ZBTB20: variants seen among roughly 807,000 people sequenced by gnomAD.
The protein encoded by ZBTB20 is zinc finger and BTB domain-containing protein 20.
ZBTB20 carries 9 observed loss-of-function variants against 56.9 expected under a neutral mutation model. That is an observed-to-expected ratio of 0.16 (90% CI 0.10 to 0.28). ZBTB20 has a LOEUF of 0.28. ZBTB20 is among the 10% of genes least tolerant of loss of function. The pLI, the probability that ZBTB20 is intolerant of heterozygous loss-of-function variation, is 1.00. For synonymous variants in ZBTB20, 417 were observed against 420.7 expected, an observed-to-expected ratio of 0.99 and a Z score of 0.11; for missense variants, 655 against 1,003.0, an observed-to-expected ratio of 0.65 and a Z score of 4.69.
chr3:115,063,708 T>C (rs1227188823), intron 2 of ZBTB20, among the ~76,000 whole-genome samples: 1 of 151,702 alleles, frequency 6.6e-6, no homozygotes, highest in African/African-American at 2.4e-5. Flanking sequence ...GTTTACCAGT[T>C]AAATAGTACC....
chr3:114,322,846 G>A lies in ZBTB20; in HGVS notation c.*16159C>T, dbSNP rs1406164377. 3.3e-5 allele frequency: 5 copies of A among 152,206 alleles called. No homozygotes were observed. Among genetic ancestry groups the A allele is most frequent in the Admixed American group, 3.3e-4 (5 of 15,272 alleles). The allele number at this position is 152,206 out of a possible 1,614,324, so 9.4% of individuals were successfully genotyped here. ...TTGGAATAGTAGACTTGGACGGATA[G>A]TAAAGAAGAGAGAGAAAAAGACAGG... On this transcript the variant is annotated 3_prime_UTR_variant, in exon 12 of 12. Transcript: ENST00000675478.
At chr3:114,565,855 ATGT>A (rs2110325566) in intron 6 of ZBTB20, among the ~76,000 whole-genome samples, 1 of 152,238 alleles carries the variant, frequency 6.6e-6, no homozygotes, top group East Asian at 1.9e-4. Flanking sequence ...TCCCAGTAAG[ATGT>A]TGTCATGCAA....
chr3:114,716,053 A>G (rs2064457120), intron 5 of ZBTB20, among the ~76,000 whole-genome samples: 1 of 152,182 alleles, frequency 6.6e-6, no homozygotes, highest in Non-Finnish European at 1.5e-5. Flanking sequence ...AACAGCCTGT[A>G]CATGTCCCTT....
At chr3:114,778,609 A>T (rs1289763389) in intron 5 of ZBTB20, among the ~76,000 whole-genome samples, 2 of 152,210 alleles carry the variant, frequency 1.3e-5, no homozygotes, top group African/African-American at 4.8e-5. Flanking sequence ...ACAGATACAG[A>T]TAAAGAAATA....
intron 6 of ZBTB20, among the ~76,000 whole-genome samples, chr3:114,607,300 TTCA>T (rs976698667): frequency 2.3e-5 from 2 of 85,798 alleles, no homozygotes; most frequent in African/African-American, 9.3e-5. Flanking sequence ...AAACTGTTCA[TTCA>T]TTTTTTTTTT....
At chr3:114,578,867 C>G (rs1225356598) in intron 6 of ZBTB20, among the ~76,000 whole-genome samples, 1 of 151,526 alleles carries the variant, frequency 6.6e-6, no homozygotes, top group African/African-American at 2.4e-5. Context: ...ATAGTAATAT[C>G]TAAAAATATT....
intron 4 of ZBTB20, among the ~76,000 whole-genome samples, chr3:114,838,135 G>A (rs912880963): frequency 2.0e-5 from 3 of 152,178 alleles, no homozygotes; most frequent in Non-Finnish European, 4.4e-5. Context: ...GAGACCTAAT[G>A]AGGCAATTCG....
At chr3:114,936,737 G>T (rs2076547460) in intron 3 of ZBTB20, among the ~76,000 whole-genome samples, 1 of 152,144 alleles carries the variant, frequency 6.6e-6, no homozygotes. Context: ...AAAATTCAGT[G>T]TTGGAAGAGG....
intron 1 of ZBTB20, chr3:115,144,970 G>C (rs1484011766): frequency 3.3e-5 from 5 of 152,170 alleles, no homozygotes; most frequent in African/African-American, 1.2e-4. Flanking sequence ...TATAGTTCTA[G>C]AAATCTCACT....
At chr3:114,577,924 C>T (rs902886431) in intron 6 of ZBTB20, among the ~76,000 whole-genome samples, 2 of 152,084 alleles carry the variant, frequency 1.3e-5, no homozygotes, top group African/African-American at 4.8e-5. Flanking sequence ...AAAACAAAAC[C>T]TGTAAAACAA....
At chr3:114,396,130 G>C (rs1028914907) in intron 7 of ZBTB20, among the ~76,000 whole-genome samples, 2 of 152,100 alleles carry the variant, frequency 1.3e-5, no homozygotes, top group African/African-American at 4.8e-5. Flanking sequence ...GCCTGCCACA[G>C]GTCATGTTAA....
intron 4 of ZBTB20, among the ~76,000 whole-genome samples, chr3:114,883,580 A>G (rs953723981): frequency 6.6e-6 from 1 of 152,182 alleles, no homozygotes; most frequent in East Asian, 1.9e-4. Context: ...GATATTGGAT[A>G]ACCTGATAGT....
intron 4 of ZBTB20, among the ~76,000 whole-genome samples, chr3:114,821,314 C>T (rs1253963589): frequency 6.6e-6 from 1 of 152,120 alleles, no homozygotes; most frequent in African/African-American, 2.4e-5. Flanking sequence ...TCCATTCAGA[C>T]ATGTGCACCA....
chr3:114,900,462 T>G (rs2075065557), intron 3 of ZBTB20, 120 bp from the exon 4 acceptor site: 1 of 151,820 alleles, frequency 6.6e-6, no homozygotes, highest in Admixed American at 6.6e-5. Flanking sequence ...AGGTAAATTA[T>G]TTTTTATCAA....
At chr3:114,554,639 G>A (rs971738657) in intron 6 of ZBTB20, among the ~76,000 whole-genome samples, 2 of 152,156 alleles carry the variant, frequency 1.3e-5, no homozygotes, top group African/African-American at 2.4e-5. Flanking sequence ...TTCTCATGTG[G>A]CTTGTACACA....
At chr3:115,063,670 CACACACACACACAA>C (rs1191161740) in intron 2 of ZBTB20, among the ~76,000 whole-genome samples, 2 of 151,876 alleles carry the variant, frequency 1.3e-5, no homozygotes, top group East Asian at 3.9e-4. Context: ...CACACACACA[CACACACACACACAA>C]ACACACACAC....
intron 4 of ZBTB20, among the ~76,000 whole-genome samples, chr3:114,808,694 T>G (rs1259107622): frequency 6.6e-6 from 1 of 152,054 alleles, no homozygotes; most frequent in African/African-American, 2.4e-5. Context: ...GTTCTTATCT[T>G]TGTTATATCC....
intron 2 of ZBTB20, among the ~76,000 whole-genome samples, chr3:114,992,566 GT>G (rs1386495052): frequency 1.3e-5 from 2 of 151,882 alleles, no homozygotes; most frequent in African/African-American, 2.4e-5. Context: ...AACTCTTGGT[GT>G]CCCCCTAGAG....
chr3:114,630,204 T>G (rs138678154), intron 6 of ZBTB20, among the ~76,000 whole-genome samples: 1 of 152,130 alleles, frequency 6.6e-6, no homozygotes, highest in Non-Finnish European at 1.5e-5. Flanking sequence ...AGGGCTAAGA[T>G]AGCATATCCA....
Sources: gnomAD v4.1 joint callset for allele counts (sites outside exome capture counted in the v4.1 genomes callset) on GRCh38, gnomAD v4.1.1 for gene constraint, MANE v1.5 for transcripts, NCBI Gene and HGNC (gene_info 2026-07-23, HGNC 2026-07-21) for gene names.